The following MED16 variants were observed in gnomAD, a reference collection of about 807,000 sequenced individuals.
MED16 encodes the protein mediator of RNA polymerase II transcription subunit 16.
MED16 carries 81 observed loss-of-function variants against 84.4 expected under a neutral mutation model. That is an observed-to-expected ratio of 0.96 (90% CI 0.80 to 1.15). MED16 has a LOEUF of 1.15. MED16 is among the 50% of genes most tolerant of loss of function. The probability of loss-of-function intolerance (pLI) is 0.00; values close to 1 mark genes in which losing one functional copy is unlikely to be tolerated. For synonymous variants in MED16, 897 were observed against 552.2 expected (o/e 1.62, Z -8.76); for missense variants, 1,585 against 1,245.9 (o/e 1.27, Z -4.10).
At chr19:877,951 ACCAGCCCCAGCC>A (rs1300418250) in intron 8 of MED16, among the ~76,000 whole-genome samples, 17 of 67,200 alleles carry the variant, frequency 2.5e-4, no homozygotes, top group East Asian at 1.4e-3. Context: ...GTCAATGCCC[ACCAGCCCCAGCC>A]CCAGCCCCAG....
At chr19:890,598 A>G (rs1475570814) in intron 2 of MED16, among the ~76,000 whole-genome samples, 3 of 152,194 alleles carry the variant, frequency 2.0e-5, no homozygotes, top group Admixed American at 2.0e-4. Flanking sequence ...ATGAGTGCCT[A>G]TTACTCAAAC....
chr19:889,074 T>G (rs2036579828), intron 4 of MED16, among the ~76,000 whole-genome samples: 2 of 92,930 alleles, frequency 2.2e-5, no homozygotes, highest in South Asian at 7.8e-4. Flanking sequence ...TGGCCACGCC[T>G]ACTCTTAACT....
chr19:872,080 G>C lies in MED16; in HGVS notation c.1944C>G (p.Asp648Glu), dbSNP rs143014203. The C allele has an allele frequency of 6.2e-7, 1 of 1,609,048 alleles. No homozygotes were observed. Among genetic ancestry groups the C allele is most frequent in the Non-Finnish European group, 8.5e-7 (1 of 1,177,962 alleles). The change falls in exon 12 of 16, where the codon GAC becomes GAG. Residue 648 changes from aspartate to glutamate, a missense_variant. Asp to Glu is a conservative substitution (Grantham distance 45, BLOSUM62 2). Coordinates refer to ENST00000325464, the MANE Select transcript of MED16 (RefSeq NM_005481.3). The stretch of plus-strand genomic sequence containing the variant: ...CCCGAAGCATGCCCAGCGAGGTGCC[G>C]TCCCGCAGAAAGCTGTGGCCCGGCC... The part of the protein sequence containing the change: ...LLRPGHSFLR[D>E]GTSLGMLREL...
At position 875,328 on chromosome 19, in the gene MED16, G is replaced by C. The variant is rs767758538; in HGVS notation, c.1687C>G (p.Leu563Val). The stretch of plus-strand genomic sequence containing the variant: ...GTGTTGAGAAAGTGGGGGCGCAGCA[G>C]CGACTTCAGGGTGGAGCTGATGGCG... The part of the protein sequence containing the change: ...LIAISSTLKS[L>V]LRPHFLNTPD... Residue 563 changes from leucine (L) to valine (V), a missense_variant, in exon 10 of 16, where the codon CTG (leucine) becomes GTG (valine). Leu to Val is a conservative substitution (Grantham distance 32). Coordinates refer to ENST00000325464, the MANE Select transcript of MED16 (RefSeq NM_005481.3). 1.2e-6 allele frequency: 2 copies of C among 1,610,732 alleles called. No homozygotes were observed. Among genetic ancestry groups the C allele is most frequent in the South Asian group, 1.1e-5 (1 of 91,072 alleles).
At chr19:877,895 A>ACCAGCCCCAGCC (rs2036294989) in intron 8 of MED16, among the ~76,000 whole-genome samples, 6 of 132,594 alleles carry the variant, frequency 4.5e-5, no homozygotes, top group African/African-American at 1.5e-4. Flanking sequence ...GTCAATGCCC[A>ACCAGCCCCAGCC]CCAGCCCCAG....
intron 1 of MED16, chr19:892,881 A>AGCCCCGAGCCCCGCGCCCCGC (rs1555719500): frequency 2.9e-5 from 4 of 137,948 alleles, no homozygotes; most frequent in East Asian, 2.4e-4. Flanking sequence ...CTGAGCCCCG[A>AGCCCCGAGCCCCGCGCCCCGC]GCCCCGCGCC....
At chr19:889,246 G>C (rs1266154328) in intron 4 of MED16, among the ~76,000 whole-genome samples, 1 of 152,150 alleles carries the variant, frequency 6.6e-6, no homozygotes, top group African/African-American at 2.4e-5. Context: ...GGAGCATAGA[G>C]AGGGGCTCTG....
chr19:873,549 TC>T lies in MED16; in HGVS notation c.1804del (p.Glu602ArgfsTer7). 1 of 1,612,356 alleles carries T rather than the reference TC, an allele frequency of 6.2e-7. No individual in the cohort carries two copies. Among genetic ancestry groups the T allele is most frequent in the Non-Finnish European group, 8.5e-7 (1 of 1,179,702 alleles). ...TGTGTTCATGTCCAGCACAAATTCC[TC>T]CGTCTTGAGGTTGATCATGACCTTG... ...IDKVMINLKT[E>X]EFVLDMNTLQ... On this transcript the variant is annotated frameshift_variant, in exon 11 of 16. Transcript: ENST00000325464. LOFTEE classifies it high-confidence loss of function.
chr19:869,594 C>A (rs778965860), intron 13 of MED16, among the ~76,000 whole-genome samples: 44 of 152,156 alleles, frequency 2.9e-4, no homozygotes, highest in African/African-American at 1.0e-3. Flanking sequence ...ACAGTGAGCA[C>A]GAGGAAGAAA....
chr19:878,054 C>T (rs1384004352), intron 8 of MED16, among the ~76,000 whole-genome samples: 2 of 134,224 alleles, frequency 1.5e-5, no homozygotes, highest in Non-Finnish European at 3.1e-5. Context: ...GCCCCAGCAG[C>T]TCGCCTTCCC....
intron 11 of MED16, among the ~76,000 whole-genome samples, chr19:872,623 C>T (rs993481012): frequency 2.7e-5 from 4 of 149,748 alleles, no homozygotes; most frequent in Admixed American, 2.0e-4. Context: ...CAGAAGAAAT[C>T]ACAGCTGGGG....
intron 6 of MED16, among the ~76,000 whole-genome samples, chr19:883,126 C>G (rs1474987653): frequency 6.6e-6 from 1 of 152,200 alleles, no homozygotes; most frequent in Non-Finnish European, 1.5e-5. Flanking sequence ...CTGACGGCTG[C>G]GGTCAGCATT....
intron 14 of MED16, 43 bp from the exon 15 acceptor site, chr19:868,542 G>C: frequency 3.1e-6 from 5 of 1,601,272 alleles, no homozygotes; most frequent in Non-Finnish European, 4.2e-6. Context: ...CTTCCAGGCG[G>C]GCCTCCCTTA....
intron 12 of MED16, chr19:871,588 G>T (rs368706996): frequency 3.1e-6 from 5 of 1,595,972 alleles, no homozygotes; most frequent in Middle Eastern, 1.7e-4. Flanking sequence ...CCGACAAGGA[G>T]AGACAGCAAA....
rs1378745807 is a variant in MED16, at chr19:886,202, CTG to C, written c.448-3_448-2del. ...TCTCCCCGAAGCTGGAGGCGCCCGA[CTG>C]TGGAGAAGGGAGGGAGGGAGGAGGG... is the stretch of plus-strand genomic sequence containing the variant. On this transcript the variant is annotated splice_acceptor_variant and splice_polypyrimidine_tract_variant and intron_variant, in intron 4 of 15. Coordinates refer to ENST00000325464, the MANE Select transcript of MED16 (RefSeq NM_005481.3). LOFTEE classifies it high-confidence loss of function. 6.6e-7 allele frequency: 1 copy of C among 1,506,082 alleles called. No individual in the cohort carries two copies. The highest frequency in any genetic ancestry group is 1.4e-5 in the African/African-American group (1 of 71,760). The allele number at this position is 1,506,082 out of a possible 1,614,324, so 93.3% of individuals were successfully genotyped here. A position where few individuals can be genotyped will look rare whatever the true frequency, so the allele number is the denominator to read the frequency against.
chr19:873,328 G>C, intron 11 of MED16, 121 bp downstream of exon 11: 1 of 307,760 alleles, frequency 3.2e-6, no homozygotes, highest in Non-Finnish European at 4.6e-6. Flanking sequence ...TCCAAGTAGG[G>C]GCGGGACTCC....
At chr19:877,780 A>ACGT (rs200129542) in intron 8 of MED16, among the ~76,000 whole-genome samples, 1 of 35,808 alleles carries the variant, frequency 2.8e-5, no homozygotes, top group Non-Finnish European at 5.8e-5. Context: ...CCCCAGCCCC[A>ACGT]GCCCCAGCCC....
rs1483688049 is a variant in MED16 at position 889,725 on chromosome 19, G to C, written c.360C>G (p.Ser120Arg). The C allele has an allele frequency of 3.1e-6, 5 of 1,613,578 alleles. No homozygotes were observed. Among genetic ancestry groups the C allele is most frequent in the African/African-American group, 1.3e-5 (1 of 74,930 alleles). The change falls in exon 4 of 16, where the codon AGC becomes AGG. Residue 120 changes from serine (S) to arginine (R), a missense_variant. Physicochemically the swap from Ser to Arg is moderately radical, Grantham distance 110 (BLOSUM62 -1). Transcript: ENST00000325464. ...MADHLANSWE[S>R]SVGSLVEGDP... The stretch of plus-strand genomic sequence containing the variant: ...CCCCCTCCACTAGGCTGCCCACTGA[G>C]CTCTCCCAGCTATTAGCCAGGTGGT...
intron 10 of MED16, among the ~76,000 whole-genome samples, chr19:874,771 G>A (rs1197804859): frequency 2.0e-5 from 3 of 151,964 alleles, no homozygotes; most frequent in African/African-American, 4.8e-5. Context: ...TACTCCAGAG[G>A]CTGAGGCGAG....
Sources: allele counts gnomAD v4.1 joint callset (sites outside exome capture counted in the v4.1 genomes callset), GRCh38; gene constraint gnomAD v4.1.1; transcripts MANE v1.5; gene names NCBI Gene and HGNC (gene_info 2026-07-23, HGNC 2026-07-21).